The following MED13 variants were observed in gnomAD, a reference collection of about 807,000 sequenced individuals.
MED13 encodes mediator of RNA polymerase II transcription subunit 13.
MED13 carries 23 observed loss-of-function variants against 225.2 expected under a neutral mutation model. The observed-to-expected ratio is 0.10, with a 90% CI of 0.07 to 0.14. MED13 has a LOEUF of 0.14. Ranked by LOEUF, MED13 falls within the 10% of genes least tolerant of loss-of-function variation. The pLI is 1.00. For missense variants in MED13, 2,197 were observed against 2,594.5 expected (o/e 0.85, Z 3.33); for synonymous variants, 942 against 889.2 (o/e 1.06, Z -1.06).
intron 8 of MED13, among the ~76,000 whole-genome samples, chr17:62,020,693 T>C (rs1334562004): frequency 1.2e-4 from 15 of 123,646 alleles, no homozygotes; most frequent in Non-Finnish European, 1.9e-4. Context: ...TTCTTTTTTT[T>C]TTTTTTTTTT....
At chr17:62,034,017 C>T in intron 4 of MED13, 33 bp from the exon 5 acceptor site, 3 of 1,572,700 alleles carry the variant, frequency 1.9e-6, no homozygotes, top group Non-Finnish European at 2.6e-6. Flanking sequence ...AAATAAGTAA[C>T]AAAAGACTGT....
intron 11 of MED13, 121 bp downstream of exon 11, chr17:61,992,419 T>C: frequency 1.7e-6 from 1 of 579,268 alleles, no homozygotes; most frequent in South Asian, 2.8e-5. Context: ...TTAAGAAAGA[T>C]TCCTTTCTAT....
chr17:61,992,724 A>C (rs1403817817), intron 10 of MED13, 103 bp from the exon 11 acceptor site: 14 of 741,488 alleles, frequency 1.9e-5, no homozygotes, highest in Non-Finnish European at 3.1e-5. Context: ...CTAAGTGTTT[A>C]ACATACATTA....
At chr17:62,037,097 C>CA (rs1259076056) in intron 3 of MED13, among the ~76,000 whole-genome samples, 1 of 151,830 alleles carries the variant, frequency 6.6e-6, no homozygotes, top group African/African-American at 2.4e-5. Context: ...CCTAAAAATA[C>CA]AAAAAATTAG....
intron 27 of MED13, 86 bp from the exon 28 acceptor site, chr17:61,951,084 G>T: frequency 9.8e-7 from 1 of 1,024,050 alleles, no homozygotes; most frequent in Non-Finnish European, 1.4e-6. Context: ...ATAGCAATCA[G>T]TCTCATTATC....
chr17:62,007,933 G>A (rs1178513856), intron 9 of MED13, among the ~76,000 whole-genome samples: 1 of 150,050 alleles, frequency 6.7e-6, no homozygotes, highest in Non-Finnish European at 1.5e-5. Flanking sequence ...ACAGGAAAAT[G>A]GCCTGAACCC....
rs999407766 is a variant in MED13 at position 61,984,536 on chromosome 17, C to T, written c.2691+115G>A. 27 of 989,146 alleles carry T rather than the reference C, an allele frequency of 2.7e-5. No individual in the cohort carries two copies. In the Middle Eastern group the frequency reaches 1.6e-3, roughly 60 times the overall value. 61.3% of individuals were successfully genotyped at this position (989,146 alleles called of 1,614,324 possible). On this transcript the variant is annotated intron_variant, in intron 14 of 29. Coordinates refer to ENST00000397786, the MANE Select transcript of MED13 (RefSeq NM_005121.3). Reference sequence around the variant, plus strand: ...TAATAGTGACAACAATAATTCAGTCCTCAACTTAGCTACAAAACCGCAACC... The same window carrying T: ...TAATAGTGACAACAATAATTCAGTCTTCAACTTAGCTACAAAACCGCAACC...
At chr17:62,003,783 G>A (rs553646931) in intron 9 of MED13, 1 of 152,074 alleles carries the variant, frequency 6.6e-6, no homozygotes, top group Admixed American at 6.6e-5. Flanking sequence ...GGCAAAGCAT[G>A]TTATTTCCTT....
chr17:62,015,934 ATATATATATATATATATATATTTTTT>A (rs1280383110), intron 8 of MED13, among the ~76,000 whole-genome samples: 6 of 8,838 alleles, frequency 6.8e-4, no homozygotes, highest in Admixed American at 3.8e-3. Context: ...ATATATATAT[ATATATATATATATATATATATTTTTT>A]TTTTTTTTTT....
intron 2 of MED13, among the ~76,000 whole-genome samples, chr17:62,061,770 A>C (rs1325983539): frequency 1.3e-5 from 2 of 152,204 alleles, no homozygotes; most frequent in African/African-American, 2.4e-5. Context: ...GTATATGTAC[A>C]TATATGTATA....
intron 8 of MED13, among the ~76,000 whole-genome samples, chr17:62,020,535 C>T (rs1281203293): frequency 2.0e-5 from 3 of 151,912 alleles, no homozygotes; most frequent in Non-Finnish European, 4.4e-5. Context: ...CATCACCACG[C>T]CCGGCTAATT....
At chr17:62,013,806 C>A (rs573277612) in intron 8 of MED13, among the ~76,000 whole-genome samples, 1 of 152,044 alleles carries the variant, frequency 6.6e-6, no homozygotes, top group Non-Finnish European at 1.5e-5. Flanking sequence ...TTTGGGAGGC[C>A]GAGGTAGGTG....
rs562901972 is a variant in MED13 at position 62,027,216 on chromosome 17, G to T, written c.1283+2325C>A. Among the ~76,000 whole-genome samples, 3 of 152,268 alleles carry T rather than the reference G, an allele frequency of 2.0e-5. No individual in the cohort carries two copies. The South Asian group carries it at 6.2e-4, about 32-fold the overall frequency. On this transcript the variant is annotated intron_variant, in intron 8 of 29. Coordinates refer to ENST00000397786, the MANE Select transcript of MED13 (RefSeq NM_005121.3). ...AGGACTACAGTTACCAAAACAGCAT[G>T]GTACTGGTACTAAAACAGACACATA...
chr17:61,957,884 A>C lies in MED13; in HGVS notation c.5481-1403T>G, dbSNP rs11867422. 9.5e-3 allele frequency among the ~76,000 whole-genome samples: 1,449 copies of C among 152,140 alleles called. 18 individuals are homozygous for C. The highest frequency in any genetic ancestry group is 0.011 in the Non-Finnish European group (781 of 68,014). ...GTGGCTATTACTTTTTTTTCTTTTGAGACGGAGTCTCACTCTGTCACTCAG... is the reference window on the plus strand; with the variant it reads ...GTGGCTATTACTTTTTTTTCTTTTGCGACGGAGTCTCACTCTGTCACTCAG... On this transcript the variant is annotated intron_variant, in intron 23 of 29. Coordinates refer to ENST00000397786, the MANE Select transcript of MED13 (RefSeq NM_005121.3).
chr17:62,031,548 G>A lies in MED13; in HGVS notation c.905C>T (p.Ser302Leu), dbSNP rs1181433688. ...TTGGTGGACACCCAAGCAAGAAGAT[G>A]AACAGTGAGTGGATCCCACAGGGCT... is the stretch of plus-strand genomic sequence containing the variant. ...TPSPVGSTHCSSSCLGVHQVP... is the reference protein window; with the variant it reads ...TPSPVGSTHCLSSCLGVHQVP... Residue 302 changes from serine to leucine, a missense_variant, in exon 6 of 30, where the codon TCA becomes TTA. Around this residue, in one of 12 missense-constraint regions of MED13, gnomAD observed 884 missense variants for 918.5 expected, o/e 0.96. Transcript: ENST00000397786. The A allele has an allele frequency of 6.2e-7, 1 of 1,613,832 alleles. No homozygotes were observed. Among genetic ancestry groups the A allele is most frequent in the Non-Finnish European group, 8.5e-7 (1 of 1,179,948 alleles).
At chr17:62,037,955 CAAAAAAAAAA>C (rs397857634) in intron 3 of MED13, among the ~76,000 whole-genome samples, 71 of 64,768 alleles carry the variant, frequency 1.1e-3, no homozygotes, top group Admixed American at 2.4e-3. Context: ...GACTTCATCT[CAAAAAAAAAA>C]AAAAAAAAAA....
intron 2 of MED13, among the ~76,000 whole-genome samples, chr17:62,054,239 T>A (rs2080979231): frequency 6.6e-6 from 1 of 151,786 alleles, no homozygotes. Flanking sequence ...AGGGAGAGAT[T>A]ACAGTGAGCC....
rs375024751 is a variant in MED13, at chr17:61,968,043, T to C, written c.4183A>G (p.Ile1395Val). ...TCTTTTTAAACACCTACCTCATATA[T>C]TGCAGTAAGATCTCTAAAAAAGCTT... ...AKSFFRDLTA[I>V]YESCRLGQHR... Residue 1395 changes from isoleucine to valine, a missense_variant, in exon 18 of 30, where the codon ATA becomes GTA. Ile to Val is a conservative substitution (Grantham distance 29). Coordinates refer to ENST00000397786, the MANE Select transcript of MED13 (RefSeq NM_005121.3). 36 of 1,607,818 alleles carry C rather than the reference T, an allele frequency of 2.2e-5. No homozygotes were observed. In the South Asian group the frequency reaches 2.3e-4, roughly 10 times the overall value.
At chr17:61,994,389 T>C (rs962499058) in intron 10 of MED13, among the ~76,000 whole-genome samples, 1 of 152,254 alleles carries the variant, frequency 6.6e-6, no homozygotes, top group Admixed American at 6.5e-5. Flanking sequence ...TTAAATTTTA[T>C]TCTAATAACT....
Sources: gnomAD v4.1 joint callset for allele counts (sites outside exome capture counted in the v4.1 genomes callset) on GRCh38, gnomAD v4.1.1 for gene constraint, gnomAD v4.1.1 regional missense constraint, MANE v1.5 for transcripts, NCBI Gene and HGNC (gene_info 2026-07-23, HGNC 2026-07-21) for gene names.